Variants in GRIK1 observed in about 807,000 individuals in gnomAD.
The protein encoded by GRIK1 is glutamate ionotropic receptor kainate type subunit 1, also known as glutamate receptor ionotropic, kainate 1.
Under a neutral mutation model 105.7 loss-of-function variants are expected in GRIK1, and 69 were observed. The ratio of observed to expected loss-of-function variants is 0.65; its 90% CI spans 0.54 to 0.80. The LOEUF (loss-of-function observed/expected upper bound fraction) is 0.80. Among genes scored for constraint, GRIK1 ranks in the 30% least tolerant of loss-of-function variants. The pLI is 0.00. For missense variants in GRIK1, 1,109 were observed against 1,167.3 expected (o/e 0.95, Z 0.73); for synonymous variants, 438 against 431.3 (o/e 1.02, Z -0.19).
intron 4 of GRIK1, among the ~76,000 whole-genome samples, chr21:29,655,064 A>T (rs1473490448): frequency 6.6e-6 from 1 of 152,224 alleles, no homozygotes; most frequent in Non-Finnish European, 1.5e-5. Context: ...CACTATTTCC[A>T]TTACACACTG....
intron 1 of GRIK1, among the ~76,000 whole-genome samples, chr21:29,773,009 G>T (rs1478629883): frequency 2.0e-5 from 3 of 152,160 alleles, no homozygotes; most frequent in Admixed American, 6.5e-5. Context: ...TGCTGTTAAT[G>T]ATGATGATGG....
intron 1 of GRIK1, among the ~76,000 whole-genome samples, chr21:29,715,458 A>T (rs906091188): frequency 6.6e-6 from 1 of 150,440 alleles, no homozygotes; most frequent in African/African-American, 2.5e-5. Context: ...TTTAGTAACC[A>T]AGATAAGTAA....
chr21:29,650,092 A>G (rs3026016), intron 6 of GRIK1, among the ~76,000 whole-genome samples: 3,245 of 152,308 alleles, frequency 0.021, 114 homozygotes, highest in African/African-American at 0.074. Flanking sequence ...TTCCATCATT[A>G]TCTCTCAGTT....
chr21:29,870,394 T>C (rs2832462), intron 1 of GRIK1, among the ~76,000 whole-genome samples: 11,604 of 152,114 alleles, frequency 0.076, 447 homozygotes, highest in African/African-American at 0.11. Context: ...CCTTTATCTT[T>C]CCTTTGTTAG....
chr21:29,595,883 A>T (rs577034149), intron 9 of GRIK1, among the ~76,000 whole-genome samples: 41 of 152,338 alleles, frequency 2.7e-4, no homozygotes, highest in African/African-American at 9.6e-4. Flanking sequence ...TGTATAATAA[A>T]CTATAAAATA....
intron 1 of GRIK1, among the ~76,000 whole-genome samples, chr21:29,731,148 G>C (rs1458583659): frequency 6.6e-6 from 1 of 152,218 alleles, no homozygotes; most frequent in Non-Finnish European, 1.5e-5. Flanking sequence ...AATTGCCCTT[G>C]TTTGATGAGA....
chr21:29,863,880 C>A (rs989041599), intron 1 of GRIK1, among the ~76,000 whole-genome samples: 2 of 152,190 alleles, frequency 1.3e-5, no homozygotes, highest in Admixed American at 6.5e-5. Context: ...TTACATACTT[C>A]TTCTCAATAA....
At chr21:29,809,799 T>C (rs1005291785) in intron 1 of GRIK1, among the ~76,000 whole-genome samples, 3 of 152,212 alleles carry the variant, frequency 2.0e-5, no homozygotes, top group African/African-American at 4.8e-5. Flanking sequence ...ACTCTTCCTT[T>C]CACTTAAACA....
At chr21:29,622,562 C>T (rs2062030158) in intron 7 of GRIK1, among the ~76,000 whole-genome samples, 1 of 152,174 alleles carries the variant, frequency 6.6e-6, no homozygotes, top group Non-Finnish European at 1.5e-5. Flanking sequence ...CAGGGAGATC[C>T]TGTCCCAAAT....
At chr21:29,700,988 A>G (rs2146767437) in intron 1 of GRIK1, among the ~76,000 whole-genome samples, 1 of 152,340 alleles carries the variant, frequency 6.6e-6, no homozygotes, top group Middle Eastern at 3.4e-3. Context: ...TGTAATGGTA[A>G]ATATATTCCA....
intron 1 of GRIK1, among the ~76,000 whole-genome samples, chr21:29,744,437 T>A (rs1398175366): frequency 6.6e-6 from 1 of 152,194 alleles, no homozygotes; most frequent in Non-Finnish European, 1.5e-5. Context: ...CATATGCACA[T>A]TTGCACACCT....
At chr21:29,571,092 C>T (rs2090736378) in intron 14 of GRIK1, among the ~76,000 whole-genome samples, 1 of 152,134 alleles carries the variant, frequency 6.6e-6, no homozygotes, top group Non-Finnish European at 1.5e-5. Context: ...TGGCTCATGC[C>T]AGTAATACCA....
chr21:29,718,088 C>A (rs2064223179), intron 1 of GRIK1, among the ~76,000 whole-genome samples: 1 of 152,154 alleles, frequency 6.6e-6, no homozygotes, highest in South Asian at 2.1e-4. Flanking sequence ...GCTGCCCCTT[C>A]CACCATAATT....
rs540439139 is a variant in GRIK1, at chr21:29,934,721, C to T, written c.118+4662G>A. On this transcript the variant is annotated intron_variant, in intron 1 of 17. Coordinates refer to ENST00000327783, the MANE Select transcript of GRIK1 (RefSeq NM_001330994.2). ...CTAGTTTCAATTTCTGGTATTTCTA[C>T]CAGTAATAACTGAACTTACGCAAAG... Among the ~76,000 whole-genome samples the T allele has an allele frequency of 3.9e-5, 6 of 152,236 alleles. No homozygotes were observed. In the South Asian group the frequency reaches 1.2e-3, roughly 32 times the overall value.
At chr21:29,673,552 A>C (rs2063200661) in intron 3 of GRIK1, among the ~76,000 whole-genome samples, 1 of 152,208 alleles carries the variant, frequency 6.6e-6, no homozygotes, top group Non-Finnish European at 1.5e-5. Flanking sequence ...TACAAAGCCG[A>C]TAGAATATGG....
At chr21:29,698,193 T>A (rs2063747503) in intron 1 of GRIK1, among the ~76,000 whole-genome samples, 1 of 152,160 alleles carries the variant, frequency 6.6e-6, no homozygotes, top group Non-Finnish European at 1.5e-5. Flanking sequence ...GGAGGCCCAT[T>A]GGTTTGAGAT....
chr21:29,689,317 T>C (rs1242303596), intron 3 of GRIK1, among the ~76,000 whole-genome samples: 3 of 152,202 alleles, frequency 2.0e-5, no homozygotes. Flanking sequence ...AATTCCTCTT[T>C]GTTAACTTAC....
chr21:29,804,158 A>G (rs1429070024), intron 1 of GRIK1, among the ~76,000 whole-genome samples: 2 of 152,154 alleles, frequency 1.3e-5, no homozygotes, highest in Non-Finnish European at 1.5e-5. Flanking sequence ...TATCTTGATA[A>G]TAACTCCCCC....
intron 1 of GRIK1, among the ~76,000 whole-genome samples, chr21:29,793,120 A>G (rs185333643): frequency 1.6e-4 from 24 of 152,288 alleles, no homozygotes; most frequent in African/African-American, 5.5e-4. Flanking sequence ...CATATTCAGG[A>G]GGAGGATGGA....
Sources: gnomAD v4.1 joint callset for allele counts (sites outside exome capture counted in the v4.1 genomes callset) on GRCh38, gnomAD v4.1.1 for gene constraint, MANE v1.5 for transcripts, NCBI Gene and HGNC (gene_info 2026-07-23, HGNC 2026-07-21) for gene names.